TNK2: variants seen among roughly 807,000 people sequenced by gnomAD.
TNK2 encodes the protein activated CDC42 kinase 1.
A neutral mutation model predicts 101.8 loss-of-function variants in TNK2; 83 were observed. That is an observed-to-expected ratio of 0.82 (90% CI 0.68 to 0.98). TNK2 has a LOEUF of 0.98. TNK2 is among the 50% of genes least tolerant of loss of function. The pLI is 0.00. For missense variants in TNK2, 1,665 were observed against 1,483.2 expected (o/e 1.12, Z -2.01); for synonymous variants, 804 against 633.0 (o/e 1.27, Z -4.06).
rs1757143045 is a variant in TNK2 at position 195,888,646 on chromosome 3, G to A, written c.-18-40C>T. ...GTGGCTCAGGGACAAGGGTTGTGGG[G>A]GGACAACAGGGGCCTGCCCGAGTGA... On this transcript the variant is annotated intron_variant, in intron 1 of 15. Transcript: ENST00000672887. The surrounding 1 kb of genome is among the most constrained non-coding windows in gnomAD (Gnocchi z 5.3). The A allele has an allele frequency of 6.4e-7, 1 of 1,558,344 alleles. No homozygotes were observed. The highest frequency in any genetic ancestry group is 8.7e-7 in the Non-Finnish European group (1 of 1,150,334).
intron 1 of TNK2, among the ~76,000 whole-genome samples, chr3:195,902,604 C>G (rs1459082213): frequency 9.3e-6 from 1 of 107,090 alleles, no homozygotes; most frequent in Non-Finnish European, 1.7e-5. Context: ...GGCAACAGAG[C>G]AAGACTCCGT....
Position 195,878,921 on chromosome 3 carries a change from TG to T in TNK2, c.1014+127del, listed in dbSNP as rs1036708652. ...GGGGCGTGGTGGGAGGCACGGGAAG[TG>T]GGGGGAGGCACGGGGCGTGGGAGGA... On this transcript the variant is annotated intron_variant, in intron 7 of 15. Coordinates refer to ENST00000672887, the MANE Select transcript of TNK2 (RefSeq NM_001382273.1). This position sits in a 1 kb window ranked among gnomAD's most constrained non-coding sequence, Gnocchi z 4.7. 24 of 1,418,530 alleles carry T rather than the reference TG, an allele frequency of 1.7e-5. No homozygotes were observed. The highest frequency in any genetic ancestry group is 8.5e-5 in the African/African-American group (6 of 70,350). 87.9% of individuals were successfully genotyped at this position (1,418,530 alleles called of 1,614,324 possible).
intron 1 of TNK2, chr3:195,896,228 C>T (rs901861505): frequency 3.9e-5 from 16 of 405,806 alleles, no homozygotes; most frequent in Non-Finnish European, 7.8e-5. Flanking sequence ...GCTTCTCATT[C>T]TGGTGGCATC....
intron 9 of TNK2, among the ~76,000 whole-genome samples, chr3:195,873,325 G>A (rs1231444839): frequency 6.6e-6 from 1 of 152,250 alleles, no homozygotes; most frequent in Non-Finnish European, 1.5e-5. Context: ...GCTCCCGCAA[G>A]ACACTCCTGA....
chr3:195,904,511 G>T (rs1577123879), intron 1 of TNK2, among the ~76,000 whole-genome samples: 1 of 152,146 alleles, frequency 6.6e-6, no homozygotes, highest in East Asian at 1.9e-4. Flanking sequence ...AGGTAAAATG[G>T]TGGTTCTCAG....
intron 10 of TNK2, among the ~76,000 whole-genome samples, chr3:195,871,473 G>A (rs1469206366): frequency 6.6e-6 from 1 of 152,094 alleles, no homozygotes; most frequent in African/African-American, 2.4e-5. Flanking sequence ...CACGTCTCCA[G>A]GACTCTGGCA....
chr3:195,869,496 C>T lies in TNK2; in HGVS notation c.1588+1G>A, dbSNP rs1348449854. ...AAGGCATCGGAAGCAGCCCCACTTA[C>T]TCTGAGTGAAGAAGGCAGGCTGAGG... On this transcript the variant is annotated splice_donor_variant, in intron 12 of 15. Coordinates refer to ENST00000672887, the MANE Select transcript of TNK2 (RefSeq NM_001382273.1). LOFTEE classifies it high-confidence loss of function. The T allele has an allele frequency of 4.5e-6, 7 of 1,549,428 alleles. No homozygotes were observed. The highest frequency in any genetic ancestry group is 5.2e-6 in the Non-Finnish European group (6 of 1,146,180).
At chr3:195,869,177 A>T in intron 12 of TNK2, 1 of 558,962 alleles carries the variant, frequency 1.8e-6, no homozygotes, top group South Asian at 2.1e-5. Context: ...CAAAGCCCAG[A>T]CAGCGCCTGC....
In TNK2 at chr3:195,878,397, G is replaced by A; in HGVS notation, c.1161+49C>T. 1 of 1,613,874 alleles carries A rather than the reference G, an allele frequency of 6.2e-7. No individual in the cohort carries two copies. The highest frequency in any genetic ancestry group is 8.5e-7 in the Non-Finnish European group (1 of 1,179,922). On this transcript the variant is annotated intron_variant, in intron 8 of 15. Transcript: ENST00000672887. The surrounding 1 kb of genome is among the most constrained non-coding windows in gnomAD (Gnocchi z 4.7). ...CAACTCTGGGACTGACGCCTGGGTA[G>A]CCCCTCAGCTTGAACACCCCAGCTC...
intron 10 of TNK2, 24 bp downstream of exon 10, chr3:195,872,252 C>A (rs1459568509): frequency 6.2e-7 from 1 of 1,612,396 alleles, no homozygotes; most frequent in East Asian, 2.2e-5. Context: ...GCCAGGTCAG[C>A]ATCCATCCCC....
chr3:195,874,562 TCCGAGGCACAAGAAGCTC>T (rs1747846679), intron 9 of TNK2, among the ~76,000 whole-genome samples: 1 of 121,328 alleles, frequency 8.2e-6, no homozygotes, highest in East Asian at 2.5e-4. Context: ...CCACGCACGC[TCCGAGGCACAAGAAGCTC>T]CCCCTCGGGA....
intron 10 of TNK2, among the ~76,000 whole-genome samples, chr3:195,870,701 C>G (rs1256547346): frequency 2.0e-4 from 31 of 152,390 alleles, no homozygotes; most frequent in Admixed American, 2.0e-3. Flanking sequence ...CTGTCAGTAT[C>G]TGAGACTTAG....
intron 1 of TNK2, chr3:195,896,020 G>T (rs919866100): frequency 1.0e-5 from 4 of 400,166 alleles, no homozygotes; most frequent in Admixed American, 8.9e-5. Flanking sequence ...CTCCCGCAAC[G>T]CCGCACGCGC....
Position 195,863,928 on chromosome 3 carries a change from G to A in TNK2, c.*253C>T, listed in dbSNP as rs1576964286. On this transcript the variant is annotated 3_prime_UTR_variant, in exon 16 of 16. Coordinates refer to ENST00000672887, the MANE Select transcript of TNK2 (RefSeq NM_001382273.1). Reference sequence around the variant, plus strand: ...GCCTGCTGGGGCAGCCCTCAAGCCTGTCTTCACCCGGCCCCTTCCACATCT... The same window carrying A: ...GCCTGCTGGGGCAGCCCTCAAGCCTATCTTCACCCGGCCCCTTCCACATCT... 5.8e-6 allele frequency: 3 copies of A among 517,584 alleles called. No homozygotes were observed. Among genetic ancestry groups the A allele is most frequent in the Non-Finnish European group, 6.9e-6 (2 of 288,892 alleles). 32.1% of individuals were successfully genotyped at this position (517,584 alleles called of 1,614,324 possible).
chr3:195,881,911 C>T, intron 6 of TNK2, 140 bp downstream of exon 6: 4 of 1,018,956 alleles, frequency 3.9e-6, no homozygotes, highest in South Asian at 1.7e-5. Flanking sequence ...CGAATGGGTG[C>T]AAAGGAGGGC....
chr3:195,885,182 G>A lies in TNK2; in HGVS notation c.235-149C>T. The A allele has an allele frequency of 9.9e-7, 1 of 1,013,966 alleles. No individual in the cohort carries two copies. Among genetic ancestry groups the A allele is most frequent in the Non-Finnish European group, 1.4e-6 (1 of 705,758 alleles). The allele number at this position is 1,013,966 out of a possible 1,614,324, so 62.8% of individuals were successfully genotyped here. On this transcript the variant is annotated intron_variant, in intron 3 of 15. Transcript: ENST00000672887. The surrounding 1 kb of genome is among the most constrained non-coding windows in gnomAD (Gnocchi z 4.7). ...AAACTGTCAGTGGGGCAGCCTGGCT[G>A]GAGGCCCACACTCCGTCCAGGGCAC...
intron 2 of TNK2, among the ~76,000 whole-genome samples, chr3:195,887,836 G>T (rs1301897565): frequency 7.8e-5 from 5 of 63,808 alleles, no homozygotes; most frequent in Admixed American, 4.6e-4. Flanking sequence ...GCGCACACAC[G>T]TGTGTGTGTG....
chr3:195,867,571 C>A lies in TNK2; in HGVS notation c.2727G>T (p.Leu909=). ...CGGGGGCTGGGGTGCTGGGTGGGGGCAGCAGCAGAGGCACAGGCAGGGGGG... is the reference window on the plus strand; with the variant it reads ...CGGGGGCTGGGGTGCTGGGTGGGGGAAGCAGCAGAGGCACAGGCAGGGGGG... ...EPTPLPVPLL[L]PPPSTPAPAA... The change falls in exon 13 of 16, where the codon CTG becomes CTT. Residue 909 remains leucine (L), a synonymous_variant. Coordinates refer to ENST00000672887, the MANE Select transcript of TNK2 (RefSeq NM_001382273.1). 1 of 1,576,110 alleles carries A rather than the reference C, an allele frequency of 6.3e-7. No homozygotes were observed. Among genetic ancestry groups the A allele is most frequent in the Non-Finnish European group, 8.6e-7 (1 of 1,169,224 alleles).
intron 5 of TNK2, 84 bp downstream of exon 5, chr3:195,883,073 C>T: frequency 3.2e-6 from 5 of 1,541,630 alleles, no homozygotes; most frequent in Admixed American, 1.7e-5. Flanking sequence ...GCGCCTCTGA[C>T]CTTAGGATGG....
Sources: gnomAD v4.1 joint callset for allele counts (sites outside exome capture counted in the v4.1 genomes callset) on GRCh38, gnomAD v4.1.1 for gene constraint, Gnocchi (gnomAD v3.1) non-coding constraint, MANE v1.5 for transcripts, NCBI Gene and HGNC (gene_info 2026-07-23, HGNC 2026-07-21) for gene names.